The following LARS2 variants were observed in gnomAD, a reference collection of about 807,000 sequenced individuals.
LARS2 encodes the protein leucine--tRNA ligase, mitochondrial.
A neutral mutation model predicts 116.6 loss-of-function variants in LARS2; 81 were observed. The observed-to-expected ratio is 0.69, with a 90% CI of 0.58 to 0.84. The LOEUF (loss-of-function observed/expected upper bound fraction) is 0.84, where lower values mean the gene tolerates loss of function less well. Among genes scored for constraint, LARS2 ranks in the 40% least tolerant of loss-of-function variants. The pLI is 0.00. For missense variants in LARS2, 968 were observed against 1,114.5 expected, an observed-to-expected ratio of 0.87 and a Z score of 1.87; for synonymous variants, 396 against 407.2, an observed-to-expected ratio of 0.97 and a Z score of 0.33.
At chr3:45,491,396 C>G in intron 12 of LARS2, 121 bp from the exon 13 acceptor site, 4 of 1,028,110 alleles carry the variant, frequency 3.9e-6, no homozygotes, top group Middle Eastern at 3.1e-4. Flanking sequence ...TATGACACAG[C>G]TCTGCACAGA....
At position 45,486,372 on chromosome 3, in the gene LARS2, G is replaced by A. The variant is rs542554288; in HGVS notation, c.1123+576G>A. On this transcript the variant is annotated intron_variant, in intron 11 of 21. Coordinates refer to ENST00000645846, the MANE Select transcript of LARS2 (RefSeq NM_015340.4). The stretch of plus-strand genomic sequence containing the variant: ...ATGTCCTTGGCAGCCTTACTCATTC[G>A]TGAGCATTCTAAACTATCGTCATGT... Among the ~76,000 whole-genome samples, 4 of 152,294 alleles carry A rather than the reference G, an allele frequency of 2.6e-5. No individual in the cohort carries two copies. In the South Asian group the frequency reaches 8.3e-4, roughly 32 times the overall value.
intron 10 of LARS2, chr3:45,484,043 T>TA (rs3085463): frequency 0.014 from 2,011 of 146,634 alleles, 23 homozygotes; most frequent in African/African-American, 0.035. Context: ...TACAAAAAAT[T>TA]AAAAAAAAAA....
chr3:45,396,683 G>C (rs1440990554), intron 3 of LARS2, among the ~76,000 whole-genome samples: 1 of 152,212 alleles, frequency 6.6e-6, no homozygotes, highest in African/African-American at 2.4e-5. Context: ...GCCAGGCACT[G>C]TCTTTCAATT....
chr3:45,535,343 A>C (rs1282316864), intron 20 of LARS2, among the ~76,000 whole-genome samples: 30 of 132,906 alleles, frequency 2.3e-4, no homozygotes, highest in Middle Eastern at 3.7e-3. Flanking sequence ...ACAGAGTGAG[A>C]ATCTGTCTCA....
intron 6 of LARS2, among the ~76,000 whole-genome samples, chr3:45,436,805 A>AAC (rs968378181): frequency 1.1e-4 from 16 of 151,680 alleles, no homozygotes; most frequent in African/African-American, 3.9e-4. Flanking sequence ...GTCTCAAAAA[A>AAC]AAAAAAAAAA....
At chr3:45,422,265 T>G (rs1229638229) in intron 6 of LARS2, 4 of 152,216 alleles carry the variant, frequency 2.6e-5, no homozygotes, top group African/African-American at 4.8e-5. Context: ...AGGGTATGTA[T>G]GTGAATGGTC....
Position 45,485,699 on chromosome 3 carries a change from C to G in LARS2, c.1026C>G (p.Leu342=). 6.3e-7 allele frequency: 1 copy of G among 1,598,896 alleles called. No individual in the cohort carries two copies. Among genetic ancestry groups the G allele is most frequent in the Non-Finnish European group, 8.5e-7 (1 of 1,171,770 alleles). Residue 342 remains leucine, a synonymous_variant, in exon 11 of 22, where the codon CTC becomes CTG. Transcript: ENST00000645846. Reference sequence around the variant, plus strand: ...ATTTGCTCTCATTTTCAGATTGCCTCACGCCTGTAATGGCTGTGAACATGC... The same window carrying G: ...ATTTGCTCTCATTTTCAGATTGCCTGACGCCTGTAATGGCTGTGAACATGC... ...RMALVPGKDC[L]TPVMAVNMLT...
chr3:45,487,051 G>GT (rs1699827032), intron 11 of LARS2, among the ~76,000 whole-genome samples: 1 of 152,134 alleles, frequency 6.6e-6, no homozygotes, highest in African/African-American at 2.4e-5. Context: ...ATAAAGTGGT[G>GT]TTTTTGCCTC....
Position 45,388,603 on chromosome 3 carries a change from T to C in LARS2, c.-165T>C, listed in dbSNP as rs375274687. 35 of 152,418 alleles carry C rather than the reference T, an allele frequency of 2.3e-4. 2 individuals carry two copies. Among genetic ancestry groups the C allele is most frequent in the African/African-American group, 7.5e-4 (31 of 41,578 alleles). 9.4% of individuals were successfully genotyped at this position (152,418 alleles called of 1,614,324 possible). On this transcript the variant is annotated 5_prime_UTR_variant, in exon 1 of 22. It removes an upstream start codon present in the reference 5' UTR. Coordinates refer to ENST00000645846, the MANE Select transcript of LARS2 (RefSeq NM_015340.4). ...TGTTTTGACAACATGGCGGCGCCCA[T>C]GGTCCGTGGCCCGGCAGTGCTCGCC...
At chr3:45,426,338 G>T (rs1252144258) in intron 6 of LARS2, among the ~76,000 whole-genome samples, 1 of 152,232 alleles carries the variant, frequency 6.6e-6, no homozygotes, top group Non-Finnish European at 1.5e-5. Flanking sequence ...AGCAGTGGTT[G>T]CCTTGACAAC....
intron 15 of LARS2, among the ~76,000 whole-genome samples, chr3:45,504,516 T>C (rs2125743604): frequency 6.6e-6 from 1 of 152,150 alleles, no homozygotes; most frequent in South Asian, 2.1e-4. Context: ...GACCTTCATG[T>C]ATGAAAATAA....
At chr3:45,439,666 G>A (rs1698873371) in intron 6 of LARS2, among the ~76,000 whole-genome samples, 2 of 150,386 alleles carry the variant, frequency 1.3e-5, no homozygotes, top group Non-Finnish European at 3.0e-5. Context: ...ACGGAGGATT[G>A]AATGTAAGGA....
At chr3:45,401,829 A>G (rs1698159457) in intron 4 of LARS2, among the ~76,000 whole-genome samples, 1 of 152,072 alleles carries the variant, frequency 6.6e-6, no homozygotes, top group South Asian at 2.1e-4. Context: ...TTGTTCAGGC[A>G]TGTCTTGAAC....
chr3:45,525,229 A>G (rs1338614636), intron 20 of LARS2, among the ~76,000 whole-genome samples: 1 of 152,172 alleles, frequency 6.6e-6, no homozygotes, highest in African/African-American at 2.4e-5. Flanking sequence ...AGTGTTTTTC[A>G]TTCCTTGAGG....
chr3:45,390,723 G>A (rs1414513107), intron 1 of LARS2, among the ~76,000 whole-genome samples: 5 of 150,878 alleles, frequency 3.3e-5, no homozygotes, highest in Non-Finnish European at 5.9e-5. Context: ...CGTGATCTCA[G>A]CTCACTGCAA....
chr3:45,470,406 T>C (rs1559479461), intron 8 of LARS2, among the ~76,000 whole-genome samples: 1 of 152,246 alleles, frequency 6.6e-6, no homozygotes, highest in Non-Finnish European at 1.5e-5. Flanking sequence ...AGCCCATCTT[T>C]TATTGGTGCA....
intron 14 of LARS2, among the ~76,000 whole-genome samples, chr3:45,499,941 T>G (rs1700090497): frequency 1.3e-5 from 2 of 152,214 alleles, no homozygotes; most frequent in Non-Finnish European, 2.9e-5. Flanking sequence ...CTGACTTTTT[T>G]CTTTTTTATT....
At chr3:45,411,545 A>T (rs1317051041) in intron 4 of LARS2, among the ~76,000 whole-genome samples, 1 of 152,236 alleles carries the variant, frequency 6.6e-6, no homozygotes, top group Non-Finnish European at 1.5e-5. Flanking sequence ...ACTTCATCTT[A>T]AAGTTTTTCC....
At chr3:45,519,180 T>G (rs905620252) in intron 18 of LARS2, among the ~76,000 whole-genome samples, 2 of 152,154 alleles carry the variant, frequency 1.3e-5, no homozygotes, top group African/African-American at 4.8e-5. Flanking sequence ...AATGTTCTTA[T>G]GTTGACTGTA....
Sources: gnomAD v4.1 joint callset for allele counts (sites outside exome capture counted in the v4.1 genomes callset) on GRCh38, gnomAD v4.1.1 for gene constraint, MANE v1.5 for transcripts, NCBI Gene and HGNC (gene_info 2026-07-23, HGNC 2026-07-21) for gene names.